VAV2: variants seen among roughly 807,000 people sequenced by gnomAD.
The protein encoded by VAV2 is vav guanine nucleotide exchange factor 2, also known as guanine nucleotide exchange factor VAV2.
Under a neutral mutation model 132.5 loss-of-function variants are expected in VAV2, and 67 were observed. That is an observed-to-expected ratio of 0.51 (90% confidence interval 0.42 to 0.62). The LOEUF (loss-of-function observed/expected upper bound fraction) is 0.62, where lower values mean the gene tolerates loss of function less well. VAV2 is among the 20% of genes least tolerant of loss of function. The probability of loss-of-function intolerance (pLI) is 0.00; values close to 1 mark genes in which losing one functional copy is unlikely to be tolerated. For synonymous variants in VAV2, 492 were observed against 443.5 expected, an observed-to-expected ratio of 1.11 and a Z score of -1.37; for missense variants, 938 against 1,153.6, an observed-to-expected ratio of 0.81 and a Z score of 2.71.
At position 133,769,869 on chromosome 9, in the gene VAV2, G is replaced by A. The variant is rs1392423331; in HGVS notation, c.2348-366C>T. Among the ~76,000 whole-genome samples the A allele has an allele frequency of 1.3e-5, 2 of 152,242 alleles. No individual in the cohort carries two copies. Among genetic ancestry groups the A allele is most frequent in the Non-Finnish European group, 2.9e-5 (2 of 68,040 alleles). ...ATGGCCCTGCAGGACCCTGCAGGCT[G>A]GAGGACGTGGGGTGACTCTGGAGAG... On this transcript the variant is annotated intron_variant, in intron 27 of 29. Coordinates refer to ENST00000371850, the MANE Select transcript of VAV2 (RefSeq NM_001134398.2). This position sits in a 1 kb window ranked among gnomAD's most constrained non-coding sequence, Gnocchi z 8.1.
In VAV2 at chr9:133,928,153, G is replaced by A. The variant is rs559770730; in HGVS notation, c.321+10950C>T. On this transcript the variant is annotated intron_variant, in intron 2 of 29. Transcript: ENST00000371850. The surrounding 1 kb of genome is among the most constrained non-coding windows in gnomAD (Gnocchi z 5.4). The stretch of plus-strand genomic sequence containing the variant: ...GTTATAAAACGGCGGGTCAGCATCC[G>A]ATGGGCTTACCGACTCCGTGTGTGT... 1.7e-4 allele frequency among the ~76,000 whole-genome samples: 25 copies of A among 150,376 alleles called. No homozygotes were observed. The highest frequency in any genetic ancestry group is 3.0e-4 in the Non-Finnish European group (20 of 67,678).
rs562171085 is a variant in VAV2, at chr9:133,928,128, G to A, written c.321+10975C>T. ...CAGAGAAAAACCTCTCCCATCCCCA[G>A]TTATAAAACGGCGGGTCAGCATCCG... On this transcript the variant is annotated intron_variant, in intron 2 of 29. Transcript: ENST00000371850. This position sits in a 1 kb window ranked among gnomAD's most constrained non-coding sequence, Gnocchi z 5.4. Among the ~76,000 whole-genome samples the A allele has an allele frequency of 2.0e-4, 31 of 152,174 alleles. No homozygotes were observed. Among genetic ancestry groups the A allele is most frequent in the African/African-American group, 7.2e-4 (30 of 41,524 alleles).
At chr9:133,860,858 C>T (rs894122447) in intron 3 of VAV2, among the ~76,000 whole-genome samples, 72 of 152,256 alleles carry the variant, frequency 4.7e-4, no homozygotes, top group East Asian at 9.7e-4. Flanking sequence ...GAGGCCAGAT[C>T]ACAGGGGTCA....
At chr9:133,862,223 A>T (rs970576835) in intron 2 of VAV2, among the ~76,000 whole-genome samples, 5 of 152,248 alleles carry the variant, frequency 3.3e-5, no homozygotes, top group African/African-American at 1.2e-4. Flanking sequence ...AGCCCAACAC[A>T]GCCACTCCAC....
chr9:133,790,413 G>A (rs1193672017), intron 13 of VAV2, among the ~76,000 whole-genome samples: 1 of 152,192 alleles, frequency 6.6e-6, no homozygotes, highest in Non-Finnish European at 1.5e-5. Flanking sequence ...CTGACCTCAA[G>A]TGATCCTTCC....
At position 133,826,435 on chromosome 9, in the gene VAV2, C is replaced by T. The variant is rs2428096; in HGVS notation, c.449+7837G>A. On this transcript the variant is annotated intron_variant, in intron 4 of 29. Transcript: ENST00000371850. The surrounding 1 kb of genome is among the most constrained non-coding windows in gnomAD (Gnocchi z 4.2). Reference sequence around the variant, plus strand: ...TCTCTGGGGAGAAGCCAGGAGGACACGCGGTTCCTGACAGAGCCTGGCTGT... The same window carrying T: ...TCTCTGGGGAGAAGCCAGGAGGACATGCGGTTCCTGACAGAGCCTGGCTGT... Among the ~76,000 whole-genome samples, 11,313 of 152,238 alleles carry T rather than the reference C, an allele frequency of 0.074. 1,239 individuals are homozygous for T. Among genetic ancestry groups the T allele is most frequent in the African/African-American group, 0.25 (10,223 of 41,500 alleles).
chr9:133,989,077 G>A lies in VAV2; in HGVS notation c.204+2998C>T, dbSNP rs1371010552. Among the ~76,000 whole-genome samples, 7 of 152,000 alleles carry A rather than the reference G, an allele frequency of 4.6e-5. No homozygotes were observed. In the South Asian group the frequency reaches 8.3e-4, roughly 18 times the overall value. On this transcript the variant is annotated intron_variant, in intron 1 of 29. Coordinates refer to ENST00000371850, the MANE Select transcript of VAV2 (RefSeq NM_001134398.2). ...ATATAGGCTGGGTGCAGTGGCTCAC[G>A]CCTGCAATCCCAACACTTTGGGAGG...
At chr9:133,957,614 C>T (rs1271034387) in intron 1 of VAV2, among the ~76,000 whole-genome samples, 3 of 152,092 alleles carry the variant, frequency 2.0e-5, no homozygotes, top group Non-Finnish European at 2.9e-5. Flanking sequence ...ACGTCATCCC[C>T]GTGGGCAGAG....
chr9:133,873,799 G>C (rs531226028), intron 2 of VAV2, among the ~76,000 whole-genome samples: 26 of 152,310 alleles, frequency 1.7e-4, no homozygotes, highest in Non-Finnish European at 3.1e-4. Flanking sequence ...ATTTTGAGAT[G>C]GGAAACCTAA....
chr9:133,830,957 G>A (rs1220930337), intron 4 of VAV2, among the ~76,000 whole-genome samples: 1 of 152,172 alleles, frequency 6.6e-6, no homozygotes, highest in Non-Finnish European at 1.5e-5. Context: ...ATTTACGTTT[G>A]CAATAACTGC....
chr9:133,927,264 A>G (rs556165137), intron 2 of VAV2, among the ~76,000 whole-genome samples: 41 of 152,206 alleles, frequency 2.7e-4, no homozygotes, highest in Middle Eastern at 3.4e-3. Flanking sequence ...ACGGCAGACA[A>G]CGCTAATCAA....
At chr9:133,799,152 CT>C (rs1217017871) in intron 9 of VAV2, among the ~76,000 whole-genome samples, 1 of 152,236 alleles carries the variant, frequency 6.6e-6, no homozygotes, top group Non-Finnish European at 1.5e-5. Flanking sequence ...CCAAGTGGCT[CT>C]GCCACATGGG....
At chr9:133,891,213 T>C in intron 2 of VAV2, among the ~76,000 whole-genome samples, 1 of 143,556 alleles carries the variant, frequency 7.0e-6, no homozygotes, top group South Asian at 2.4e-4. Flanking sequence ...GAACACAGTC[T>C]CCAGCTCCAG....
intron 2 of VAV2, among the ~76,000 whole-genome samples, chr9:133,924,530 A>G (rs1478997918): frequency 1.3e-5 from 2 of 152,168 alleles, no homozygotes; most frequent in African/African-American, 4.8e-5. Flanking sequence ...AGTAATCACA[A>G]CAGCCCCCAG....
At chr9:133,955,557 G>A (rs1446725612) in intron 1 of VAV2, among the ~76,000 whole-genome samples, 1 of 15,016 alleles carries the variant, frequency 6.7e-5, no homozygotes, top group African/African-American at 3.1e-4. Context: ...CACTCCCCAC[G>A]GTCCTCCCCA....
rs145036958 is a variant in VAV2 at position 133,817,803 on chromosome 9, A to G, written c.450-5587T>C. Among the ~76,000 whole-genome samples the G allele has an allele frequency of 7.9e-3, 1,209 of 152,178 alleles. 28 individuals carry two copies. The highest frequency in any genetic ancestry group is 0.045 in the Admixed American group (687 of 15,294). ...TTCAGTAGTTTCTATTTCCCTGCTG[A>G]GGCTCTTCATCCGCTCATTCATTTG... On this transcript the variant is annotated intron_variant, in intron 4 of 29. Coordinates refer to ENST00000371850, the MANE Select transcript of VAV2 (RefSeq NM_001134398.2).
chr9:133,917,314 A>G (rs1309738544), intron 2 of VAV2, among the ~76,000 whole-genome samples: 2 of 152,216 alleles, frequency 1.3e-5, no homozygotes, highest in East Asian at 3.9e-4. Context: ...CCAATGGATT[A>G]CCTACGCCGA....
intron 3 of VAV2, among the ~76,000 whole-genome samples, chr9:133,841,165 C>T (rs1836706797): frequency 6.6e-6 from 1 of 152,092 alleles, no homozygotes; most frequent in Non-Finnish European, 1.5e-5. Flanking sequence ...TACTGTGCTT[C>T]CATGAGGACT....
Position 133,795,827 on chromosome 9 carries a change from C to G in VAV2, c.1033-91G>C, listed in dbSNP as rs12553791. 10,374 of 1,442,632 alleles carry G rather than the reference C, an allele frequency of 7.2e-3. 197 individuals are homozygous for G. The highest frequency in any genetic ancestry group is 0.056 in the Admixed American group (2,917 of 52,140). 89.4% of individuals were successfully genotyped at this position (1,442,632 alleles called of 1,614,324 possible). On this transcript the variant is annotated intron_variant, in intron 11 of 29. Transcript: ENST00000371850. ...CCTGGGGCAGGAGGTGTGCACAGAA[C>G]CAAGTCCTCAGAAGAAAGCCACCCC... is the stretch of plus-strand genomic sequence containing the variant.
Sources: allele counts gnomAD v4.1 joint callset (sites outside exome capture counted in the v4.1 genomes callset), GRCh38; gene constraint gnomAD v4.1.1; non-coding constraint Gnocchi (gnomAD v3.1); transcripts MANE v1.5; gene names NCBI Gene and HGNC (gene_info 2026-07-23, HGNC 2026-07-21).